Variants in NR3C2 observed in about 807,000 individuals in gnomAD.
NR3C2 encodes the protein mineralocorticoid receptor.
In NR3C2, 15 loss-of-function variants were observed where a neutral mutation model predicts 86.4. The observed-to-expected ratio is 0.17, with a 90% CI of 0.12 to 0.27. NR3C2 has a LOEUF of 0.27. Ranked by LOEUF, NR3C2 falls within the 10% of genes least tolerant of loss-of-function variation. The probability of loss-of-function intolerance (pLI) is 1.00; values close to 1 mark genes in which losing one functional copy is unlikely to be tolerated. For synonymous variants in NR3C2, 458 were observed against 450.5 expected, an observed-to-expected ratio of 1.02 and a Z score of -0.21; for missense variants, 960 against 1,195.6, an observed-to-expected ratio of 0.80 and a Z score of 2.91.
At chr4:148,126,966 G>C (rs1040288) in intron 6 of NR3C2, among the ~76,000 whole-genome samples, 74,855 of 151,948 alleles carry the variant, frequency 0.49, 18,944 homozygotes, top group East Asian at 0.71. Context: ...GCTGAGTAAT[G>C]ATTTTTGGCC....
At chr4:148,241,069 G>A (rs1384904123) in intron 3 of NR3C2, among the ~76,000 whole-genome samples, 2 of 152,008 alleles carry the variant, frequency 1.3e-5, no homozygotes, top group East Asian at 3.9e-4. Context: ...GCTTTGGGAG[G>A]CAGACGTGGG....
chr4:148,222,644 A>G (rs2149829058), intron 3 of NR3C2, among the ~76,000 whole-genome samples: 1 of 152,350 alleles, frequency 6.6e-6, no homozygotes. Context: ...TAATAAAAGC[A>G]ATACAATTTA....
intron 2 of NR3C2, among the ~76,000 whole-genome samples, chr4:148,307,303 T>G (rs1249603231): frequency 6.6e-6 from 1 of 152,212 alleles, no homozygotes; most frequent in Non-Finnish European, 1.5e-5. Context: ...ACTATAGCAG[T>G]TAAAATGTGT....
At chr4:148,240,139 C>A (rs1738950401) in intron 3 of NR3C2, among the ~76,000 whole-genome samples, 1 of 150,616 alleles carries the variant, frequency 6.6e-6, no homozygotes, top group Non-Finnish European at 1.5e-5. Flanking sequence ...CCCAACCTAG[C>A]CAAAATATTA....
intron 2 of NR3C2, among the ~76,000 whole-genome samples, chr4:148,372,626 T>TA (rs1394814227): frequency 5.9e-5 from 9 of 152,306 alleles, no homozygotes; most frequent in Admixed American, 5.2e-4. Flanking sequence ...TGAAACATTA[T>TA]AAAAAGTGGC....
At chr4:148,149,549 G>T (rs1180498007) in intron 6 of NR3C2, among the ~76,000 whole-genome samples, 1 of 152,138 alleles carries the variant, frequency 6.6e-6, no homozygotes, top group Admixed American at 6.5e-5. Flanking sequence ...AACAAAAGAA[G>T]AGATTTTGAC....
intron 8 of NR3C2, among the ~76,000 whole-genome samples, chr4:148,104,672 G>A (rs1731713833): frequency 6.6e-6 from 1 of 152,166 alleles, no homozygotes; most frequent in Admixed American, 6.5e-5. Flanking sequence ...TGAGCAACAG[G>A]AAGAGAGGGT....
At chr4:148,442,820 A>G (rs2126675867), upstream of NR3C2, 2 of 985,378 alleles carry the variant, frequency 2.0e-6, no homozygotes, top group African/African-American at 3.5e-5. Flanking sequence ...GGCCGCCCCA[A>G]ACTTGCTTAC....
At chr4:148,083,544 A>G (rs1730674818) in intron 8 of NR3C2, among the ~76,000 whole-genome samples, 1 of 152,242 alleles carries the variant, frequency 6.6e-6, no homozygotes, top group African/African-American at 2.4e-5. Flanking sequence ...CACCAACATC[A>G]AAGACCAAAG....
At chr4:148,114,066 G>C in intron 8 of NR3C2, 38 bp downstream of exon 8, 1 of 1,610,264 alleles carries the variant, frequency 6.2e-7, no homozygotes, top group Non-Finnish European at 8.5e-7. Context: ...TGTGGTTGCT[G>C]ATCCTTCACT....
Position 148,154,815 on chromosome 4 carries a change from G to A in NR3C2, c.2101C>T (p.Pro701Ser), listed in dbSNP as rs1440602147. 8 of 1,589,048 alleles carry A rather than the reference G, an allele frequency of 5.0e-6. No individual in the cohort carries two copies. Among genetic ancestry groups the A allele is most frequent in the Non-Finnish European group, 6.9e-6 (8 of 1,166,786 alleles). The change falls in exon 5 of 9, where the codon CCG (proline) becomes TCG (serine). Residue 701 changes from proline to serine, a missense_variant. Pro to Ser is a moderately conservative substitution (Grantham distance 74). Coordinates refer to ENST00000358102, the MANE Select transcript of NR3C2 (RefSeq NM_000901.5). ...QQQPPPPPPP[P>S]QSPEEGTTYI... ...GTTGTCCCTTCCTCTGGGCTTTGCG[G>A]GGGTGGGGGTGGGGGTGGGGGCTGC...
intron 3 of NR3C2, among the ~76,000 whole-genome samples, chr4:148,202,897 T>C (rs542973855): frequency 6.6e-6 from 1 of 152,336 alleles, no homozygotes; most frequent in South Asian, 2.1e-4. Context: ...CAAATGTTGA[T>C]GACAGTGAAG....
chr4:148,126,982 T>C (rs1247601671), intron 6 of NR3C2, among the ~76,000 whole-genome samples: 1 of 152,232 alleles, frequency 6.6e-6, no homozygotes, highest in African/African-American at 2.4e-5. Flanking sequence ...TGGCCCTTTT[T>C]TCCAGAGTCA....
At chr4:148,396,612 T>C (rs1372151042) in intron 2 of NR3C2, among the ~76,000 whole-genome samples, 1 of 152,196 alleles carries the variant, frequency 6.6e-6, no homozygotes, top group Non-Finnish European at 1.5e-5. Context: ...TACCATGACT[T>C]GGGATGTTTT....
rs774726733 is a variant in NR3C2, at chr4:148,373,470, C to CTT, written c.1757+61632_1757+61633dup. ...TTTGCTGACTTGAACTAAAGGATGA[C>CTT]TTTTTTTTTCTTTTTTTTTTTTTAG... On this transcript the variant is annotated intron_variant, in intron 2 of 8. Transcript: ENST00000358102. Among the ~76,000 whole-genome samples, 1,053 of 129,756 alleles carry CTT rather than the reference C, an allele frequency of 8.1e-3. 37 individuals are homozygous for CTT. The highest frequency in any genetic ancestry group is 0.019 in the South Asian group (76 of 4,052). 85.1% of individuals were successfully genotyped at this position (129,756 alleles called of 152,430 possible). A position where few individuals can be genotyped will look rare whatever the true frequency, so the allele number is the denominator to read the frequency against.
At chr4:148,375,867 A>G (rs1395801367) in intron 2 of NR3C2, among the ~76,000 whole-genome samples, 1 of 152,212 alleles carries the variant, frequency 6.6e-6, no homozygotes, top group African/African-American at 2.4e-5. Context: ...TGCATTAAAA[A>G]TGAAATCTAA....
chr4:148,186,711 C>G (rs1363644015), intron 4 of NR3C2, among the ~76,000 whole-genome samples: 1 of 151,862 alleles, frequency 6.6e-6, no homozygotes, highest in Non-Finnish European at 1.5e-5. Flanking sequence ...CACCCATCAT[C>G]CAAGCAGTAT....
At position 148,436,058 on chromosome 4, in the gene NR3C2, A is replaced by T. The variant is rs773739709; in HGVS notation, c.803T>A (p.Met268Lys). 1 of 1,614,190 alleles carries T rather than the reference A, an allele frequency of 6.2e-7. No individual in the cohort carries two copies. Among genetic ancestry groups the T allele is most frequent in the Non-Finnish European group, 8.5e-7 (1 of 1,180,028 alleles). Residue 268 changes from methionine to lysine, a missense_variant, in exon 2 of 9, where the codon ATG (methionine) becomes AAG (lysine). Physicochemically the swap from Met to Lys is moderately conservative, Grantham distance 95. This residue lies in a region of NR3C2 where 680 missense variants were observed against 719.0 expected (regional missense o/e 0.95). Coordinates refer to ENST00000358102, the MANE Select transcript of NR3C2 (RefSeq NM_000901.5). ...TGGAGGGCTGGAAATTGAGGATTTC[A>T]TGCTACTTAACGGACTTGAGAGAGG... is the stretch of plus-strand genomic sequence containing the variant. ...GSPLSSPLSS[M>K]KSSISSPPSH... is the part of the protein sequence containing the mutation.
At chr4:148,101,111 C>T (rs1731516481) in intron 8 of NR3C2, among the ~76,000 whole-genome samples, 1 of 152,066 alleles carries the variant, frequency 6.6e-6, no homozygotes, top group African/African-American at 2.4e-5. Flanking sequence ...TACTCAACAC[C>T]CACACTGTAC....
Sources: allele counts gnomAD v4.1 joint callset (sites outside exome capture counted in the v4.1 genomes callset), GRCh38; gene constraint gnomAD v4.1.1; regional missense constraint gnomAD v4.1.1; transcripts MANE v1.5; gene names NCBI Gene and HGNC (gene_info 2026-07-23, HGNC 2026-07-21).